MME: variants seen among roughly 807,000 people sequenced by gnomAD.
MME encodes neprilysin.
A neutral mutation model predicts 113.2 loss-of-function variants in MME; 98 were observed. That is an observed-to-expected ratio of 0.87 (90% CI 0.74 to 1.02). The LOEUF (loss-of-function observed/expected upper bound fraction) is 1.02. Ranked by LOEUF, MME falls within the 50% of genes least tolerant of loss-of-function variation. The probability of loss-of-function intolerance (pLI) is 0.00; values close to 1 mark genes in which losing one functional copy is unlikely to be tolerated. For synonymous variants in MME, 292 were observed against 300.6 expected, an observed-to-expected ratio of 0.97 and a Z score of 0.30; for missense variants, 836 against 896.0, an observed-to-expected ratio of 0.93 and a Z score of 0.86.
intron 1 of MME, among the ~76,000 whole-genome samples, chr3:155,031,503 A>C (rs1712970425): frequency 6.6e-6 from 1 of 152,144 alleles, no homozygotes; most frequent in African/African-American, 2.4e-5. Flanking sequence ...AAAACTTTGA[A>C]TGTCTTTTTA....
intron 3 of MME, among the ~76,000 whole-genome samples, chr3:155,087,928 G>A (rs972456769): frequency 5.1e-4 from 78 of 152,180 alleles, no homozygotes; most frequent in African/African-American, 1.9e-3. Context: ...TCACTAAAAT[G>A]TATTTAACCT....
At position 155,116,759 on chromosome 3, in the gene MME, G is replaced by A. The variant is rs1293196436; in HGVS notation, c.535G>A (p.Gly179Ser). ...AACAGAAAACTGGGAGCAAAAATAT[G>A]GTAAGGCAATTTTCCTACTAAAAAA... is the stretch of plus-strand genomic sequence containing the variant. Reference protein sequence around the residue: ...VATENWEQKYGASWTAEKAIA... With the variant: ...VATENWEQKYSASWTAEKAIA... The change falls in exon 6 of 23, where the codon GGT becomes AGT. Residue 179 changes from glycine to serine, a missense_variant and splice_region_variant. Transcript: ENST00000360490. The A allele has an allele frequency of 1.9e-6, 3 of 1,612,114 alleles. No individual in the cohort carries two copies. The African/African-American group carries it at 4.0e-5, about 22-fold the overall frequency.
chr3:155,140,375 G>C, intron 10 of MME, 83 bp downstream of exon 10: 1 of 513,978 alleles, frequency 1.9e-6, no homozygotes, highest in Non-Finnish European at 3.5e-6. Flanking sequence ...AATTCGTCAA[G>C]TTTTTATTTA....
At chr3:155,051,372 A>G (rs1713757903) in intron 1 of MME, among the ~76,000 whole-genome samples, 1 of 152,166 alleles carries the variant, frequency 6.6e-6, no homozygotes, top group Admixed American at 6.5e-5. Flanking sequence ...TAGCAGAAAC[A>G]CTATGTGATA....
rs566295781 is a variant in MME, at chr3:155,117,587, CT to C, written c.654+612del. Among the ~76,000 whole-genome samples, 214 of 114,216 alleles carry C rather than the reference CT, an allele frequency of 1.9e-3. No homozygotes were observed. The South Asian group carries it at 0.024, about 13-fold the overall frequency. The allele number at this position is 114,216 out of a possible 152,430, so 74.9% of individuals were successfully genotyped here. Reference sequence around the variant, plus strand: ...AAATATAAAGAGTTTTTCTTTCTTCCTTTTTTTTTTTGTTTTTTTTTTTTTT... The same window carrying C: ...AAATATAAAGAGTTTTTCTTTCTTCCTTTTTTTTTTGTTTTTTTTTTTTTT... On this transcript the variant is annotated intron_variant, in intron 7 of 22. Transcript: ENST00000360490.
At chr3:155,048,325 G>A (rs1713636675) in intron 1 of MME, among the ~76,000 whole-genome samples, 1 of 152,030 alleles carries the variant, frequency 6.6e-6, no homozygotes, top group Admixed American at 6.6e-5. Flanking sequence ...CAAATAAATG[G>A]GAAACTCACT....
At chr3:155,123,726 T>G (rs1434400256) in intron 8 of MME, among the ~76,000 whole-genome samples, 1 of 53,336 alleles carries the variant, frequency 1.9e-5, no homozygotes, top group Non-Finnish European at 4.1e-5. Context: ...TTCTTTTCTT[T>G]AAGAATGTTG....
rs1034739692 is a variant in MME, at chr3:155,084,156, A to G, written c.-10-2A>G. 1 of 1,611,798 alleles carries G rather than the reference A, an allele frequency of 6.2e-7. No individual in the cohort carries two copies. Among genetic ancestry groups the G allele is most frequent in the African/African-American group, 1.3e-5 (1 of 74,938 alleles). On this transcript the variant is annotated splice_acceptor_variant, in intron 1 of 22. Coordinates refer to ENST00000360490, the MANE Select transcript of MME (RefSeq NM_007289.4). LOFTEE classifies it low-confidence loss of function (5UTR_SPLICE). ...CATTATTAGTATTTTCATTTTTTGCAGATTTTAGGTGATGGGCAAGTCAGA... is the reference window on the plus strand; with the variant it reads ...CATTATTAGTATTTTCATTTTTTGCGGATTTTAGGTGATGGGCAAGTCAGA...
chr3:155,149,702 A>T (rs1430271847), intron 16 of MME, among the ~76,000 whole-genome samples: 1 of 151,912 alleles, frequency 6.6e-6, no homozygotes, highest in East Asian at 1.9e-4. Flanking sequence ...GGCTTATTTG[A>T]TGATAAGACT....
chr3:155,044,666 G>A (rs1251776624), intron 1 of MME, among the ~76,000 whole-genome samples: 2 of 152,006 alleles, frequency 1.3e-5, no homozygotes, highest in South Asian at 2.1e-4. Flanking sequence ...TAATTGGAAT[G>A]TTTATAGTGT....
chr3:155,126,361 A>G (rs995194986), intron 8 of MME, among the ~76,000 whole-genome samples: 2 of 152,086 alleles, frequency 1.3e-5, no homozygotes, highest in African/African-American at 4.8e-5. Flanking sequence ...TAATTCTGAT[A>G]TCAAGGTATA....
At chr3:155,142,513 A>G (rs181332173) in intron 12 of MME, among the ~76,000 whole-genome samples, 183 bp downstream of exon 12, 1 of 152,108 alleles carries the variant, frequency 6.6e-6, no homozygotes, top group Admixed American at 6.6e-5. Context: ...GGGCTTTACC[A>G]TCTTATGATG....
intron 3 of MME, among the ~76,000 whole-genome samples, chr3:155,111,223 G>A (rs944231121): frequency 6.6e-6 from 1 of 152,140 alleles, no homozygotes. Flanking sequence ...GGTGCAAAAC[G>A]AGAATCAAAC....
intron 8 of MME, among the ~76,000 whole-genome samples, chr3:155,124,838 C>T (rs1719472601): frequency 6.6e-6 from 1 of 152,072 alleles, no homozygotes; most frequent in Non-Finnish European, 1.5e-5. Context: ...CAGACAGGGA[C>T]ATTTAAGTCT....
intron 1 of MME, among the ~76,000 whole-genome samples, chr3:155,082,745 G>C (rs1257198859): frequency 6.6e-6 from 1 of 152,136 alleles, no homozygotes; most frequent in Non-Finnish European, 1.5e-5. Context: ...AGAACTTTAA[G>C]GTCTAGCTGT....
intron 1 of MME, among the ~76,000 whole-genome samples, chr3:155,046,085 GCACC>G (rs1713550204): frequency 6.6e-6 from 1 of 152,068 alleles, no homozygotes; most frequent in Non-Finnish European, 1.5e-5. Context: ...TCTATCTCTT[GCACC>G]AACTCTCTAA....
intron 3 of MME, chr3:155,089,920 A>G: frequency 2.3e-6 from 1 of 440,554 alleles, no homozygotes; most frequent in South Asian, 1.6e-5. Context: ...AGATTGCACG[A>G]CTGCACTCCA....
intron 14 of MME, 94 bp from the exon 15 acceptor site, chr3:155,147,050 A>G: frequency 1.2e-6 from 1 of 804,336 alleles, no homozygotes; most frequent in Admixed American, 1.8e-5. Context: ...AACAGTATGG[A>G]TCAAGTTATT....
In MME at chr3:155,144,449, G is replaced by T. The variant is rs1452709719; in HGVS notation, c.1408G>T (p.Glu470Ter). The change falls in exon 14 of 23, where the codon GAA (glutamate) becomes TAA (stop). Residue 470 changes from glutamate (E) to a stop codon, truncating the protein, a stop_gained. Coordinates refer to ENST00000360490, the MANE Select transcript of MME (RefSeq NM_007289.4). LOFTEE classifies it high-confidence loss of function. ...GGATGCCGAGACAAAAAAGAGAGCT[G>T]AAGAAAAGGTAAAGAGCAGACAGCT... is the stretch of plus-strand genomic sequence containing the variant. ...WMDAETKKRA[E>*]EKALAIKERI... 1 of 1,608,862 alleles carries T rather than the reference G, an allele frequency of 6.2e-7. No homozygotes were observed. The highest frequency in any genetic ancestry group is 8.5e-7 in the Non-Finnish European group (1 of 1,175,662).
Sources: gnomAD v4.1 joint callset for allele counts (sites outside exome capture counted in the v4.1 genomes callset) on GRCh38, gnomAD v4.1.1 for gene constraint, MANE v1.5 for transcripts, NCBI Gene and HGNC (gene_info 2026-07-23, HGNC 2026-07-21) for gene names.